Variants in CATSPERE observed in about 807,000 individuals in gnomAD.
CATSPERE encodes the protein catsper channel auxiliary subunit epsilon, also known as cation channel sperm-associated auxiliary subunit epsilon.
Under a neutral mutation model 114.1 loss-of-function variants are expected in CATSPERE, and 93 were observed. The ratio of observed to expected loss-of-function variants is 0.81; its 90% CI spans 0.69 to 0.97. The LOEUF is 0.97. Ranked by LOEUF, CATSPERE falls within the 50% of genes least tolerant of loss-of-function variation. CATSPERE has a pLI of 0.00. For synonymous variants in CATSPERE, 341 were observed against 384.1 expected (o/e 0.89, Z 1.31); for missense variants, 1,058 against 1,131.6 (o/e 0.93, Z 0.93).
At position 244,462,298 on chromosome 1, in the gene CATSPERE, C is replaced by G. The variant is rs1251788897; in HGVS notation, c.65+804C>G. ...ATGGGCCTCTTAGATCTGTTTCCAACAAGAATACATTAAATATAAGACATA... is the reference window on the plus strand; with the variant it reads ...ATGGGCCTCTTAGATCTGTTTCCAAGAAGAATACATTAAATATAAGACATA... On this transcript the variant is annotated intron_variant, in intron 1 of 21. Coordinates refer to ENST00000366534, the MANE Select transcript of CATSPERE (RefSeq NM_001130957.2). Among the ~76,000 whole-genome samples the G allele has an allele frequency of 2.0e-5, 3 of 152,136 alleles. No individual in the cohort carries two copies. In the East Asian group the frequency reaches 5.8e-4, roughly 29 times the overall value.
rs938944013 is a variant in CATSPERE, at chr1:244,633,044, A to G, written c.2649-2445A>G. 1.3e-5 allele frequency among the ~76,000 whole-genome samples: 2 copies of G among 152,262 alleles called. No homozygotes were observed. The highest frequency in any genetic ancestry group is 2.9e-5 in the Non-Finnish European group (2 of 68,040). On this transcript the variant is annotated intron_variant, in intron 20 of 21. Coordinates refer to ENST00000366534, the MANE Select transcript of CATSPERE (RefSeq NM_001130957.2). This position sits in a 1 kb window ranked among gnomAD's most constrained non-coding sequence, Gnocchi z 4.1. Reference sequence around the variant, plus strand: ...CAGAACAAGGAAGGTATAAAGAGACACATTACATAATGATAAAGAAGGTGT... The same window carrying G: ...CAGAACAAGGAAGGTATAAAGAGACGCATTACATAATGATAAAGAAGGTGT...
Position 244,635,470 on chromosome 1 carries a change from T to C in CATSPERE, c.2649-19T>C. ...ATTGTACTTAGTGTAATCTTTCATA[T>C]TATTTTTCTGCTTTGCAGTTTCTGT... On this transcript the variant is annotated intron_variant, in intron 20 of 21. Coordinates refer to ENST00000366534, the MANE Select transcript of CATSPERE (RefSeq NM_001130957.2). 1 of 1,580,588 alleles carries C rather than the reference T, an allele frequency of 6.3e-7. No individual in the cohort carries two copies. The highest frequency in any genetic ancestry group is 8.7e-7 in the Non-Finnish European group (1 of 1,149,906).
intron 20 of CATSPERE, among the ~76,000 whole-genome samples, chr1:244,627,312 A>G (rs1673329151): frequency 6.6e-6 from 1 of 152,284 alleles, no homozygotes; most frequent in South Asian, 2.1e-4. Flanking sequence ...AATAATAGTG[A>G]AAAAGGCTGG....
chr1:244,601,882 A>T (rs956669480), intron 17 of CATSPERE, among the ~76,000 whole-genome samples: 1 of 152,258 alleles, frequency 6.6e-6, no homozygotes, highest in South Asian at 2.1e-4. Flanking sequence ...TGAACCCAAG[A>T]GGCAGAGGTT....
intron 17 of CATSPERE, among the ~76,000 whole-genome samples, chr1:244,604,620 G>T (rs143740979): frequency 6.6e-6 from 1 of 152,200 alleles, no homozygotes; most frequent in Non-Finnish European, 1.5e-5. Context: ...CAGCCTCGAA[G>T]CAAGTGCCTG....
At chr1:244,511,646 A>C (rs925419109) in intron 7 of CATSPERE, among the ~76,000 whole-genome samples, 1 of 151,892 alleles carries the variant, frequency 6.6e-6, no homozygotes, top group Non-Finnish European at 1.5e-5. Flanking sequence ...TATACCATTG[A>C]GTTTTATGCT....
At chr1:244,470,692 C>A (rs1193440517) in intron 2 of CATSPERE, among the ~76,000 whole-genome samples, 1 of 152,100 alleles carries the variant, frequency 6.6e-6, no homozygotes, top group Non-Finnish European at 1.5e-5. Flanking sequence ...AATATAATGT[C>A]CACACAAAAA....
chr1:244,488,046 C>G (rs562850345), intron 5 of CATSPERE, among the ~76,000 whole-genome samples: 1 of 152,266 alleles, frequency 6.6e-6, no homozygotes, highest in East Asian at 1.9e-4. Context: ...CATCCAAACT[C>G]TCTTGCTTTC....
intron 17 of CATSPERE, 123 bp downstream of exon 17, chr1:244,593,701 G>T: frequency 1.3e-6 from 1 of 785,394 alleles, no homozygotes; most frequent in African/African-American, 1.7e-5. Flanking sequence ...ATATATGCGA[G>T]ACTTGGTTTT....
In CATSPERE at chr1:244,610,246, T is replaced by C. The variant is rs1162331619; in HGVS notation, c.2410T>C (p.Cys804Arg). Reference sequence around the variant, plus strand: ...ATGTGCCATCTTTTGACAGAGTGGTTGTTTACATGAAGCACAGACATGGAA... The same window carrying C: ...ATGTGCCATCTTTTGACAGAGTGGTCGTTTACATGAAGCACAGACATGGAA... ...SFNNTMAQSGCLHEAQTWKSM... is the reference protein window; with the variant it reads ...SFNNTMAQSGRLHEAQTWKSM... Residue 804 changes from cysteine to arginine, a missense_variant, in exon 19 of 22, where the codon TGT (cysteine) becomes CGT (arginine). Around this residue, in one of 2 missense-constraint regions of CATSPERE, gnomAD observed 787 missense variants for 905.6 expected, o/e 0.87. Coordinates refer to ENST00000366534, the MANE Select transcript of CATSPERE (RefSeq NM_001130957.2). 8.7e-6 allele frequency: 14 copies of C among 1,605,200 alleles called. No individual in the cohort carries two copies. In the East Asian group the frequency reaches 3.1e-4, roughly 36 times the overall value.
At chr1:244,457,544 A>G (rs1666267823), upstream of CATSPERE, 1 of 152,208 alleles carries the variant, frequency 6.6e-6, no homozygotes, top group Admixed American at 6.5e-5. Context: ...GCCTCATGCT[A>G]TCTTCATTGG....
intron 7 of CATSPERE, among the ~76,000 whole-genome samples, chr1:244,499,819 T>C (rs1673740287): frequency 6.6e-6 from 1 of 152,194 alleles, no homozygotes; most frequent in Admixed American, 6.5e-5. Context: ...TGCATGTGTC[T>C]TTATATTAGA....
chr1:244,505,458 A>G (rs144838785), intron 7 of CATSPERE, among the ~76,000 whole-genome samples: 1 of 152,250 alleles, frequency 6.6e-6, no homozygotes, highest in East Asian at 1.9e-4. Context: ...CATATCTATA[A>G]ATTTTTCCAT....
intron 6 of CATSPERE, among the ~76,000 whole-genome samples, chr1:244,496,404 T>C (rs556991839): frequency 4.6e-5 from 7 of 152,302 alleles, no homozygotes; most frequent in African/African-American, 1.7e-4. Flanking sequence ...AAGAGCAAAC[T>C]GGCCAATGAT....
At chr1:244,571,224 T>A (rs896288381) in intron 10 of CATSPERE, among the ~76,000 whole-genome samples, 1 of 152,214 alleles carries the variant, frequency 6.6e-6, no homozygotes, top group African/African-American at 2.4e-5. Flanking sequence ...GAATACAATT[T>A]ATAGTAATTT....
intron 8 of CATSPERE, among the ~76,000 whole-genome samples, chr1:244,525,489 TA>T (rs1214066072): frequency 1.3e-5 from 2 of 148,276 alleles, no homozygotes; most frequent in Non-Finnish European, 3.0e-5. Flanking sequence ...TAAAGTATAA[TA>T]ATAATAAATA....
At chr1:244,453,068 G>C (rs906968344), upstream of CATSPERE, among the ~76,000 whole-genome samples, 1 of 152,168 alleles carries the variant, frequency 6.6e-6, no homozygotes, top group African/African-American at 2.4e-5. Context: ...TTGAGAACCT[G>C]CTATTAACTA....
intron 9 of CATSPERE, 108 bp downstream of exon 9, chr1:244,552,922 C>A: frequency 1.8e-6 from 1 of 552,030 alleles, no homozygotes; most frequent in Non-Finnish European, 2.5e-6. Flanking sequence ...AGCTCTTTGC[C>A]CAGTTGTTTT....
At chr1:244,480,130 T>C (rs1670028322) in intron 5 of CATSPERE, among the ~76,000 whole-genome samples, 1 of 152,224 alleles carries the variant, frequency 6.6e-6, no homozygotes, top group African/African-American at 2.4e-5. Flanking sequence ...AAAGATAGCA[T>C]TGAGATTTGA....
Sources: allele counts gnomAD v4.1 joint callset (sites outside exome capture counted in the v4.1 genomes callset), GRCh38; gene constraint gnomAD v4.1.1; regional missense constraint gnomAD v4.1.1; non-coding constraint Gnocchi (gnomAD v3.1); transcripts MANE v1.5; gene names NCBI Gene and HGNC (gene_info 2026-07-23, HGNC 2026-07-21).